PKNOX2: variants seen among roughly 807,000 people sequenced by gnomAD.
PKNOX2 encodes the protein PBX/knotted 1 homeobox 2, also known as homeobox protein PKNOX2.
In PKNOX2, 14 loss-of-function variants were observed where a neutral mutation model predicts 53.1. The observed-to-expected ratio is 0.26, with a 90% CI of 0.17 to 0.41. The LOEUF (loss-of-function observed/expected upper bound fraction) is 0.41, where lower values mean the gene tolerates loss of function less well. PKNOX2 is among the 10% of genes least tolerant of loss of function. The probability of loss-of-function intolerance (pLI) is 1.00; values close to 1 mark genes in which losing one functional copy is unlikely to be tolerated. For missense variants in PKNOX2, 496 were observed against 602.8 expected, an observed-to-expected ratio of 0.82 and a Z score of 1.85; for synonymous variants, 257 against 242.8, an observed-to-expected ratio of 1.06 and a Z score of -0.54.
chr11:125,342,888 A>C (rs1950771810), intron 3 of PKNOX2, among the ~76,000 whole-genome samples: 1 of 152,022 alleles, frequency 6.6e-6, no homozygotes, highest in Non-Finnish European at 1.5e-5. Flanking sequence ...ATGTTGAAAA[A>C]AAAAAGGAAA....
chr11:125,196,019 C>T (rs1937643818), intron 1 of PKNOX2, among the ~76,000 whole-genome samples: 1 of 152,108 alleles, frequency 6.6e-6, no homozygotes, highest in Admixed American at 6.5e-5. Context: ...TAGGTGGCCT[C>T]TGGGTCTGCT....
rs111257302 is a variant in PKNOX2, at chr11:125,218,188, A to AG, written c.-200-16851dup. The stretch of plus-strand genomic sequence containing the variant: ...CATCTGTGGGAACAAACAGGATGAA[A>AG]GGGGGGCGCTCCGTTCAGGTTTGCA... On this transcript the variant is annotated intron_variant, in intron 1 of 12. Coordinates refer to ENST00000298282, the MANE Select transcript of PKNOX2 (RefSeq NM_001382323.2). 9.5e-3 allele frequency among the ~76,000 whole-genome samples: 1,446 copies of AG among 152,110 alleles called. 20 individuals carry two copies. Among genetic ancestry groups the AG allele is most frequent in the African/African-American group, 0.033 (1,352 of 41,462 alleles).
At chr11:125,164,958 G>GGA (rs1004894084) in intron 1 of PKNOX2, among the ~76,000 whole-genome samples, 182 bp downstream of exon 1, 6 of 151,680 alleles carry the variant, frequency 4.0e-5, no homozygotes, top group Non-Finnish European at 8.8e-5. Context: ...GCAGCAGGGA[G>GGA]GAGAGAGAGG....
At chr11:125,212,690 G>C (rs2135456475) in intron 1 of PKNOX2, among the ~76,000 whole-genome samples, 2 of 152,014 alleles carry the variant, frequency 1.3e-5, no homozygotes, top group South Asian at 4.2e-4. Flanking sequence ...GGGCTGATAG[G>C]TGGTTCCTGT....
chr11:125,268,361 G>T (rs1042187390), intron 2 of PKNOX2, among the ~76,000 whole-genome samples: 1 of 152,234 alleles, frequency 6.6e-6, no homozygotes, highest in Non-Finnish European at 1.5e-5. Flanking sequence ...TCTGTCACAT[G>T]ACCTGGGTGT....
At chr11:125,244,103 C>T (rs530884900) in intron 2 of PKNOX2, among the ~76,000 whole-genome samples, 11 of 152,358 alleles carry the variant, frequency 7.2e-5, no homozygotes, top group Non-Finnish European at 1.0e-4. Flanking sequence ...GCACCCTGAG[C>T]TACAGGGCAA....
In PKNOX2 at chr11:125,272,775, C is replaced by T. The variant is rs569672611; in HGVS notation, c.-130+37660C>T. 4.6e-5 allele frequency among the ~76,000 whole-genome samples: 7 copies of T among 152,330 alleles called. No individual in the cohort carries two copies. In the East Asian group the frequency reaches 9.6e-4, roughly 21 times the overall value. ...CGGACTCCCAGTGCCTCACAGGTCC[C>T]GGTGTGAACAGGAGAGGAGCAGCAA... On this transcript the variant is annotated intron_variant, in intron 2 of 12. Coordinates refer to ENST00000298282, the MANE Select transcript of PKNOX2 (RefSeq NM_001382323.2).
At chr11:125,275,528 G>T (rs1451804172) in intron 2 of PKNOX2, among the ~76,000 whole-genome samples, 1 of 152,180 alleles carries the variant, frequency 6.6e-6, no homozygotes, top group African/African-American at 2.4e-5. Flanking sequence ...GGCTGCTGAG[G>T]GAGTAAAGGG....
chr11:125,356,615 A>G (rs1387731085), intron 4 of PKNOX2, among the ~76,000 whole-genome samples: 2 of 152,164 alleles, frequency 1.3e-5, no homozygotes, highest in African/African-American at 4.8e-5. Context: ...TCAAGACAAC[A>G]TTGTCTCACT....
intron 9 of PKNOX2, chr11:125,411,478 CT>C (rs1955516474): frequency 2.5e-6 from 1 of 403,948 alleles, no homozygotes; most frequent in Non-Finnish European, 4.7e-6. Context: ...CTCTCTCTCT[CT>C]CTCTCTCTCT....
chr11:125,268,788 A>T (rs1264990360), intron 2 of PKNOX2, among the ~76,000 whole-genome samples: 1 of 151,980 alleles, frequency 6.6e-6, no homozygotes, highest in African/African-American at 2.4e-5. Flanking sequence ...CAAGCACTTT[A>T]AACCCACAAG....
intron 3 of PKNOX2, among the ~76,000 whole-genome samples, chr11:125,338,822 G>A (rs74342410): frequency 3.1e-3 from 466 of 152,286 alleles, no homozygotes; most frequent in Non-Finnish European, 4.7e-3. Flanking sequence ...TCTCACTGGA[G>A]AAAGAAGAGG....
chr11:125,320,552 A>G (rs968356047), intron 2 of PKNOX2, among the ~76,000 whole-genome samples: 5 of 152,124 alleles, frequency 3.3e-5, no homozygotes, highest in African/African-American at 1.2e-4. Flanking sequence ...AGGCTCCATG[A>G]GACACACACA....
chr11:125,234,250 C>T (rs530015878), intron 1 of PKNOX2, among the ~76,000 whole-genome samples: 8 of 152,356 alleles, frequency 5.3e-5, no homozygotes, highest in African/African-American at 1.4e-4. Flanking sequence ...AGCACAACTT[C>T]GTATACAGTC....
At chr11:125,303,362 C>G (rs1273191198) in intron 2 of PKNOX2, among the ~76,000 whole-genome samples, 6 of 152,146 alleles carry the variant, frequency 3.9e-5, no homozygotes, top group African/African-American at 1.4e-4. Context: ...GGCCACACAG[C>G]TAATTGCTGG....
At position 125,396,580 on chromosome 11, in the gene PKNOX2, T is replaced by TAAA. The variant is rs34795718; in HGVS notation, c.400-1279_400-1277dup. Among the ~76,000 whole-genome samples the TAAA allele has an allele frequency of 5.1e-5, 7 of 138,212 alleles. No homozygotes were observed. In the East Asian group the frequency reaches 6.2e-4, roughly 12 times the overall value. The allele number at this position is 138,212 out of a possible 152,430, so 90.7% of individuals were successfully genotyped here. ...TCCTAAAGAATAATGCAGAAACTTT[T>TAAA]AAAAAAAAAAAAAAAAAGCTATAAG... is the stretch of plus-strand genomic sequence containing the variant. On this transcript the variant is annotated intron_variant, in intron 6 of 12. Coordinates refer to ENST00000298282, the MANE Select transcript of PKNOX2 (RefSeq NM_001382323.2).
At position 125,280,859 on chromosome 11, in the gene PKNOX2, G is replaced by T. The variant is rs1207672665; in HGVS notation, c.-130+45744G>T. ...AGGGTGATGGACATCTGTGGCTGTG[G>T]TGTATAAGGAGTATGTCTGCCCGCT... On this transcript the variant is annotated intron_variant, in intron 2 of 12. Coordinates refer to ENST00000298282, the MANE Select transcript of PKNOX2 (RefSeq NM_001382323.2). Among the ~76,000 whole-genome samples, 3 of 152,166 alleles carry T rather than the reference G, an allele frequency of 2.0e-5. No homozygotes were observed. The East Asian group carries it at 5.8e-4, about 29-fold the overall frequency.
chr11:125,210,116 TAGA>T (rs1297273263), intron 1 of PKNOX2, among the ~76,000 whole-genome samples: 3 of 152,128 alleles, frequency 2.0e-5, no homozygotes, highest in Admixed American at 6.6e-5. Context: ...GGCTGGAGAA[TAGA>T]AGGACAGCTT....
intron 4 of PKNOX2, among the ~76,000 whole-genome samples, chr11:125,361,144 A>G (rs1951903059): frequency 6.6e-6 from 1 of 152,244 alleles, no homozygotes; most frequent in Non-Finnish European, 1.5e-5. Context: ...GTCATTCCTG[A>G]TTCAACAGAT....
Sources: gnomAD v4.1 joint callset for allele counts (sites outside exome capture counted in the v4.1 genomes callset) on GRCh38, gnomAD v4.1.1 for gene constraint, MANE v1.5 for transcripts, NCBI Gene and HGNC (gene_info 2026-07-23, HGNC 2026-07-21) for gene names.